The following SLC25A13 variants were observed in gnomAD, a reference collection of about 807,000 sequenced individuals.
SLC25A13 encodes the protein electrogenic aspartate/glutamate antiporter SLC25A13, mitochondrial.
A neutral mutation model predicts 85.5 loss-of-function variants in SLC25A13; 70 were observed. The observed-to-expected ratio is 0.82, with a 90% confidence interval of 0.68 to 1.00. SLC25A13 has a LOEUF of 1.00. SLC25A13 is among the 50% of genes least tolerant of loss of function. The pLI is 0.00. For synonymous variants in SLC25A13, 259 were observed against 288.7 expected (o/e 0.90, Z 1.04); for missense variants, 765 against 819.8 (o/e 0.93, Z 0.82).
At chr7:96,303,774 C>T (rs1029058803) in intron 1 of SLC25A13, among the ~76,000 whole-genome samples, 1 of 151,892 alleles carries the variant, frequency 6.6e-6, no homozygotes, top group Non-Finnish European at 1.5e-5. Flanking sequence ...AAACACTCTC[C>T]ACTTGGCAGG....
intron 5 of SLC25A13, among the ~76,000 whole-genome samples, chr7:96,203,252 C>G (rs940979759): frequency 1.3e-5 from 2 of 152,104 alleles, no homozygotes; most frequent in African/African-American, 4.8e-5. Context: ...CAGAGCATCG[C>G]AATTTAGGAT....
intron 1 of SLC25A13, among the ~76,000 whole-genome samples, chr7:96,319,660 TCTAGTAAGCACA>T (rs1800265030): frequency 6.6e-6 from 1 of 151,848 alleles, no homozygotes; most frequent in South Asian, 2.1e-4. Context: ...TGCAATCACC[TCTAGTAAGCACA>T]TAATGTTCCA....
chr7:96,290,156 T>C (rs1285765278), intron 2 of SLC25A13, among the ~76,000 whole-genome samples: 1 of 152,194 alleles, frequency 6.6e-6, no homozygotes, highest in East Asian at 1.9e-4. Context: ...CAACCCAGAA[T>C]TTCATATCCA....
At chr7:96,289,375 C>T (rs1358726377) in intron 2 of SLC25A13, among the ~76,000 whole-genome samples, 1 of 152,208 alleles carries the variant, frequency 6.6e-6, no homozygotes, top group Non-Finnish European at 1.5e-5. Context: ...AGGAACGCAG[C>T]TCCTCACCGG....
chr7:96,254,997 T>C (rs1232661294), intron 3 of SLC25A13, among the ~76,000 whole-genome samples: 3 of 152,026 alleles, frequency 2.0e-5, no homozygotes, highest in Admixed American at 1.3e-4. Flanking sequence ...TCCCTAAAAA[T>C]TGAAAATAAA....
intron 5 of SLC25A13, among the ~76,000 whole-genome samples, chr7:96,194,189 C>T (rs1794963869): frequency 1.3e-5 from 2 of 151,690 alleles, no homozygotes; most frequent in East Asian, 3.9e-4. Flanking sequence ...AATCCCAACA[C>T]TTGAGGAGGC....
chr7:96,150,097 C>A (rs960609028), intron 13 of SLC25A13, among the ~76,000 whole-genome samples: 2 of 151,858 alleles, frequency 1.3e-5, no homozygotes, highest in Non-Finnish European at 2.9e-5. Flanking sequence ...AGCGGTAACA[C>A]TGACTTTTCT....
rs541687853 is a variant in SLC25A13, at chr7:96,242,654, A to T, written c.213-7737T>A. Among the ~76,000 whole-genome samples the T allele has an allele frequency of 2.6e-4, 40 of 152,326 alleles. No homozygotes were observed. The South Asian group carries it at 7.9e-3, about 30-fold the overall frequency. On this transcript the variant is annotated intron_variant, in intron 3 of 17. Coordinates refer to ENST00000265631, the MANE Select transcript of SLC25A13 (RefSeq NM_014251.3). Reference sequence around the variant, plus strand: ...TTGGTCTCTACAATACCTTATCTGAACCCAGACATTTCCTTTCTAATAATC... The same window carrying T: ...TTGGTCTCTACAATACCTTATCTGATCCCAGACATTTCCTTTCTAATAATC...
intron 3 of SLC25A13, among the ~76,000 whole-genome samples, chr7:96,257,405 T>C (rs961307803): frequency 1.3e-5 from 2 of 152,128 alleles, no homozygotes; most frequent in Non-Finnish European, 2.9e-5. Flanking sequence ...CCCACAGAAA[T>C]ACAAACTACC....
intron 13 of SLC25A13, among the ~76,000 whole-genome samples, chr7:96,165,582 C>T (rs1156942798): frequency 6.6e-6 from 1 of 152,140 alleles, no homozygotes; most frequent in African/African-American, 2.4e-5. Context: ...AATGCAAAGG[C>T]ATCAATCTGG....
chr7:96,219,803 C>T, intron 4 of SLC25A13: 1 of 526,914 alleles, frequency 1.9e-6, no homozygotes, highest in Non-Finnish European at 3.9e-6. Context: ...TCTCAAGATT[C>T]ATACACTATT....
chr7:96,242,034 T>A (rs1466933932), intron 3 of SLC25A13, among the ~76,000 whole-genome samples: 4 of 152,218 alleles, frequency 2.6e-5, no homozygotes, highest in Non-Finnish European at 5.9e-5. Flanking sequence ...CTTCAGGAAG[T>A]TTGGTTGTAG....
intron 3 of SLC25A13, among the ~76,000 whole-genome samples, chr7:96,243,771 AC>A (rs941326756): frequency 6.6e-6 from 1 of 152,108 alleles, no homozygotes; most frequent in African/African-American, 2.4e-5. Context: ...AAAGCAGGCC[AC>A]CCTTGTTAAG....
intron 11 of SLC25A13, among the ~76,000 whole-genome samples, chr7:96,173,741 C>A (rs1211550073): frequency 2.0e-5 from 3 of 152,150 alleles, no homozygotes; most frequent in Non-Finnish European, 4.4e-5. Context: ...CACTAAGCAA[C>A]TATAACATCT....
intron 3 of SLC25A13, among the ~76,000 whole-genome samples, chr7:96,244,442 G>GTGA (rs1797108212): frequency 6.6e-6 from 1 of 152,340 alleles, no homozygotes; most frequent in East Asian, 1.9e-4. Context: ...GAGACAATGA[G>GTGA]TGATTACCCA....
chr7:96,205,696 A>G (rs1795433211), intron 5 of SLC25A13, among the ~76,000 whole-genome samples: 1 of 152,182 alleles, frequency 6.6e-6, no homozygotes, highest in African/African-American at 2.4e-5. Context: ...CAAAGTACAA[A>G]TCAGTCAAGT....
At chr7:96,307,955 C>T (rs1360568691) in intron 1 of SLC25A13, among the ~76,000 whole-genome samples, 1 of 151,840 alleles carries the variant, frequency 6.6e-6, no homozygotes, top group African/African-American at 2.4e-5. Flanking sequence ...AGTTCAAGAC[C>T]AGCCTGACCA....
At chr7:96,193,236 C>G (rs1421768233) in intron 5 of SLC25A13, 53 bp from the exon 6 acceptor site, 5 of 1,586,364 alleles carry the variant, frequency 3.2e-6, no homozygotes, top group Non-Finnish European at 4.3e-6. Context: ...TTAATAATTA[C>G]TACAAATGAC....
chr7:96,228,417 A>G (rs1207075107), intron 4 of SLC25A13, among the ~76,000 whole-genome samples: 1 of 152,258 alleles, frequency 6.6e-6, no homozygotes, highest in East Asian at 1.9e-4. Flanking sequence ...AATCAGGGAA[A>G]TAAATGCTCA....
Sources: gnomAD v4.1 joint callset for allele counts (sites outside exome capture counted in the v4.1 genomes callset) on GRCh38, gnomAD v4.1.1 for gene constraint, MANE v1.5 for transcripts, NCBI Gene and HGNC (gene_info 2026-07-23, HGNC 2026-07-21) for gene names.